POLQ: variants seen among roughly 807,000 people sequenced by gnomAD.
The protein encoded by POLQ is DNA polymerase theta.
POLQ carries 233 observed loss-of-function variants against 259.2 expected under a neutral mutation model. The observed-to-expected ratio is 0.90, with a 90% CI of 0.81 to 1.00. The LOEUF (loss-of-function observed/expected upper bound fraction) is 1.00. Ranked by LOEUF, POLQ falls within the 50% of genes least tolerant of loss-of-function variation. The pLI, the probability that POLQ is intolerant of heterozygous loss-of-function variation, is 0.00. For missense variants in POLQ, 2,871 were observed against 3,051.6 expected (o/e 0.94, Z 1.39); for synonymous variants, 1,025 against 1,048.8 (o/e 0.98, Z 0.44).
chr3:121,480,983 T>C (rs1347052764), intron 19 of POLQ, among the ~76,000 whole-genome samples: 4 of 152,130 alleles, frequency 2.6e-5, no homozygotes, highest in Admixed American at 1.3e-4. Flanking sequence ...TCCGTTAAGC[T>C]CTCTGTAGTC....
At chr3:121,545,258 C>T (rs1015712483) in intron 1 of POLQ, among the ~76,000 whole-genome samples, 2 of 152,076 alleles carry the variant, frequency 1.3e-5, no homozygotes, top group African/African-American at 2.4e-5. Flanking sequence ...AGTTCCATGA[C>T]GACTGCACAA....
rs2108770567 is a variant in POLQ, at chr3:121,432,175, A to T, written c.*129T>A. The T allele has an allele frequency of 4.7e-6, 4 of 845,066 alleles. No homozygotes were observed. The highest frequency in any genetic ancestry group is 4.9e-5 in the South Asian group (2 of 40,456). The allele number at this position is 845,066 out of a possible 1,614,324, so 52.3% of individuals were successfully genotyped here. On this transcript the variant is annotated 3_prime_UTR_variant, in exon 30 of 30. Coordinates refer to ENST00000264233, the MANE Select transcript of POLQ (RefSeq NM_199420.4). ...ATATAGTTTGAAACTCTCACTATAA[A>T]ATTACTAGGCTAAGTCTATCAAGAC... is the stretch of plus-strand genomic sequence containing the variant.
At chr3:121,472,756 C>T (rs1002932986) in intron 21 of POLQ, among the ~76,000 whole-genome samples, 1 of 152,102 alleles carries the variant, frequency 6.6e-6, no homozygotes, top group Non-Finnish European at 1.5e-5. Context: ...ATAAGGACCA[C>T]AATTCTACAC....
At position 121,489,754 on chromosome 3, in the gene POLQ, G is replaced by A. The variant is rs780152035; in HGVS notation, c.3177C>T (p.Asp1059=). 10 of 1,612,100 alleles carry A rather than the reference G, an allele frequency of 6.2e-6. No homozygotes were observed. The highest frequency in any genetic ancestry group is 2.2e-5 in the East Asian group (1 of 44,876). The change falls in exon 16 of 30, where the codon GAC becomes GAT. Residue 1059 remains aspartate, a synonymous_variant. Transcript: ENST00000264233. The part of the protein sequence containing the change: ...KRSRDSSPLK[D]SGACRIHLQG... ...GTAAATGGATTCTACACGCTCCAGA[G>A]TCTTTCAGGGGGCTGCTGTCCCTAG...
At chr3:121,515,208 A>G (rs979904888) in intron 9 of POLQ, among the ~76,000 whole-genome samples, 2 of 152,100 alleles carry the variant, frequency 1.3e-5, no homozygotes, top group Non-Finnish European at 2.9e-5. Context: ...TGTCACTCAC[A>G]TAGGAGTGCA....
intron 3 of POLQ, 87 bp from the exon 4 acceptor site, chr3:121,539,676 A>C (rs1437503093): frequency 2.1e-6 from 2 of 947,106 alleles, no homozygotes; most frequent in Non-Finnish European, 1.7e-6. Context: ...CATAGACATA[A>C]GTATCTAAAG....
At chr3:121,530,421 T>G (rs1310947051) in intron 6 of POLQ, among the ~76,000 whole-genome samples, 2 of 152,194 alleles carry the variant, frequency 1.3e-5, no homozygotes, top group Non-Finnish European at 2.9e-5. Flanking sequence ...CATTTTCAAC[T>G]TACAATGAGT....
intron 7 of POLQ, among the ~76,000 whole-genome samples, chr3:121,525,646 G>A (rs752232129): frequency 6.6e-6 from 1 of 152,056 alleles, no homozygotes; most frequent in Non-Finnish European, 1.5e-5. Context: ...TTTCAGTGCC[G>A]ATATCATAGA....
chr3:121,448,586 C>T (rs558278292), intron 26 of POLQ, among the ~76,000 whole-genome samples: 4 of 151,918 alleles, frequency 2.6e-5, no homozygotes, highest in South Asian at 4.2e-4. Flanking sequence ...AGGATGGTCT[C>T]GATCTCTTGA....
At position 121,529,784 on chromosome 3, in the gene POLQ, C is replaced by A. The variant is rs1490793566; in HGVS notation, c.969G>T (p.Glu323Asp). ...CATAACATAAACTAACAACATGGTC[C>A]TCATCTCCCTAAAACAGAAAGATAA... ...FEPMLQVKGD[E>D]DHVVSLCYET... The change falls in exon 7 of 30, where the codon GAG becomes GAT. Residue 323 changes from glutamate to aspartate, a missense_variant. By Grantham distance (45) the Glu-to-Asp change is conservative. Transcript: ENST00000264233. The A allele has an allele frequency of 1.2e-6, 2 of 1,608,898 alleles. No homozygotes were observed. Among genetic ancestry groups the A allele is most frequent in the Middle Eastern group, 1.6e-4 (1 of 6,076 alleles).
At chr3:121,534,992 T>A (rs1020467648) in intron 5 of POLQ, among the ~76,000 whole-genome samples, 2 of 152,252 alleles carry the variant, frequency 1.3e-5, no homozygotes, top group Admixed American at 6.5e-5. Context: ...ATGTTCCATG[T>A]GTAACTCAAA....
chr3:121,471,942 C>A, intron 22 of POLQ, 48 bp downstream of exon 22: 1 of 1,103,122 alleles, frequency 9.1e-7, no homozygotes, highest in South Asian at 2.5e-5. Context: ...TATGAAAATG[C>A]TTTTCCTTCA....
At chr3:121,482,171 T>G (rs1009932179) in intron 18 of POLQ, among the ~76,000 whole-genome samples, 2 of 152,166 alleles carry the variant, frequency 1.3e-5, no homozygotes, top group Non-Finnish European at 1.5e-5. Context: ...GCTAAGCTAC[T>G]GTAATAAAGA....
chr3:121,496,687 G>A, intron 14 of POLQ, 121 bp downstream of exon 14: 1 of 994,396 alleles, frequency 1.0e-6, no homozygotes, highest in Non-Finnish European at 1.5e-6. Flanking sequence ...GACAAGAACT[G>A]TACAAAGTTT....
chr3:121,517,609 G>A (rs776598164), intron 9 of POLQ, among the ~76,000 whole-genome samples: 1 of 152,170 alleles, frequency 6.6e-6, no homozygotes, highest in Non-Finnish European at 1.5e-5. Flanking sequence ...CCCATTGTAT[G>A]TGAAGAGAAA....
At chr3:121,485,952 C>A (rs147646753) in intron 16 of POLQ, among the ~76,000 whole-genome samples, 1 of 152,200 alleles carries the variant, frequency 6.6e-6, no homozygotes, top group African/African-American at 2.4e-5. Context: ...TAATCAAACA[C>A]CTGATTTCCA....
At chr3:121,457,919 T>C (rs1393291915) in intron 25 of POLQ, among the ~76,000 whole-genome samples, 1 of 152,150 alleles carries the variant, frequency 6.6e-6, no homozygotes, top group African/African-American at 2.4e-5. Context: ...CATGCTGCTA[T>C]AAAGATACAT....
chr3:121,487,547 T>G lies in POLQ; in HGVS notation c.5384A>C (p.Asp1795Ala). Residue 1795 changes from aspartate to alanine, a missense_variant, in exon 16 of 30, where the codon GAC (aspartate) becomes GCC (alanine). Coordinates refer to ENST00000264233, the MANE Select transcript of POLQ (RefSeq NM_199420.4). ...LSPGSRNGFK[D>A]NSPISDTSFS... ...GCTTGTGTCACTAATAGGGCTGTTG[T>G]CTTTGAACCCATTTCTACTCCCTGG... is the stretch of plus-strand genomic sequence containing the variant. 1 of 1,614,100 alleles carries G rather than the reference T, an allele frequency of 6.2e-7. No homozygotes were observed. Among genetic ancestry groups the G allele is most frequent in the Non-Finnish European group, 8.5e-7 (1 of 1,179,972 alleles).
At chr3:121,493,798 A>G (rs1477004234) in intron 14 of POLQ, 77 bp from the exon 15 acceptor site, 25 of 1,390,294 alleles carry the variant, frequency 1.8e-5, no homozygotes, top group African/African-American at 7.3e-5. Flanking sequence ...ATGTATTTAT[A>G]TTTTCTTTTG....
Sources: allele counts gnomAD v4.1 joint callset (sites outside exome capture counted in the v4.1 genomes callset), GRCh38; gene constraint gnomAD v4.1.1; transcripts MANE v1.5; gene names NCBI Gene and HGNC (gene_info 2026-07-23, HGNC 2026-07-21).